SSB: variants seen among roughly 807,000 people sequenced by gnomAD.
The protein encoded by SSB is small RNA binding exonuclease protection factor La.
In SSB, 17 loss-of-function variants were observed where a neutral mutation model predicts 52.9. That is an observed-to-expected ratio of 0.32 (90% CI 0.22 to 0.48). The LOEUF (loss-of-function observed/expected upper bound fraction) is 0.48. SSB is among the 20% of genes least tolerant of loss of function. The probability of loss-of-function intolerance (pLI) is 0.99; values close to 1 mark genes in which losing one functional copy is unlikely to be tolerated. For synonymous variants in SSB, 111 were observed against 152.1 expected (o/e 0.73, Z 1.99); for missense variants, 314 against 463.6 (o/e 0.68, Z 2.96).
chr2:169,811,447 A>G, intron 11 of SSB, 124 bp downstream of exon 11: 1 of 1,325,090 alleles, frequency 7.5e-7, no homozygotes, highest in East Asian at 2.5e-5. Flanking sequence ...TTCTTGGATT[A>G]TTAACGATTT....
chr2:169,804,405 T>A (rs1488725396), intron 2 of SSB, among the ~76,000 whole-genome samples: 1 of 151,636 alleles, frequency 6.6e-6, no homozygotes, highest in Admixed American at 6.6e-5. Flanking sequence ...CTATTTCTTA[T>A]TTATTTTATT....
intron 6 of SSB, 76 bp downstream of exon 6, chr2:169,807,147 GTAT>G: frequency 8.2e-7 from 1 of 1,224,262 alleles, no homozygotes; most frequent in Non-Finnish European, 1.2e-6. Flanking sequence ...CATGGAAGTA[GTAT>G]CCCCTGAAAG....
intron 2 of SSB, among the ~76,000 whole-genome samples, chr2:169,803,242 G>C (rs888197859): frequency 3.3e-5 from 5 of 151,498 alleles, no homozygotes; most frequent in Middle Eastern, 3.2e-3. Context: ...TTTTTTTTTA[G>C]TTTACAGTAC....
chr2:169,806,647 A>G, intron 4 of SSB, 138 bp from the exon 5 acceptor site: 1 of 653,198 alleles, frequency 1.5e-6, no homozygotes, highest in Non-Finnish European at 2.6e-6. Flanking sequence ...CAAGGCTGTT[A>G]AGTGATTAAC....
rs191181070 is a variant in SSB at position 169,808,055 on chromosome 2, G to C, written c.555-427G>C. 4.9e-3 allele frequency among the ~76,000 whole-genome samples: 750 copies of C among 151,850 alleles called. 5 individuals are homozygous for C. The highest frequency in any genetic ancestry group is 0.017 in the African/African-American group (695 of 41,422). ...GGATTTTAGAATTTTCTCCTTTTGT[G>C]GAATTAACACTATAGAAAACTGCAA... On this transcript the variant is annotated intron_variant, in intron 6 of 11. Coordinates refer to ENST00000260956, the MANE Select transcript of SSB (RefSeq NM_003142.5).
intron 6 of SSB, among the ~76,000 whole-genome samples, chr2:169,807,644 CT>C (rs1460033176): frequency 6.7e-6 from 1 of 148,502 alleles, no homozygotes; most frequent in Non-Finnish European, 1.5e-5. Flanking sequence ...GCATCTAAAA[CT>C]TTTGATCAGG....
At position 169,805,798 on chromosome 2, in the gene SSB, G is replaced by A; in HGVS notation, c.304G>A (p.Asp102Asn). 6.2e-7 allele frequency: 1 copy of A among 1,613,918 alleles called. No individual in the cohort carries two copies. Among genetic ancestry groups the A allele is most frequent in the Non-Finnish European group, 8.5e-7 (1 of 1,179,950 alleles). Reference protein sequence around the residue: ...SPSKPLPEVTDEYKNDVKNRS... With the variant: ...SPSKPLPEVTNEYKNDVKNRS... ...AAGCAAACCCCTACCTGAAGTGACT[G>A]ATGAGTATAAAAATGATGTAAAAAA... The change falls in exon 4 of 12, where the codon GAT becomes AAT. Residue 102 changes from aspartate to asparagine, a missense_variant. Asp to Asn is a conservative substitution (Grantham distance 23). Transcript: ENST00000260956.
At chr2:169,800,534 C>CAAAAAAAAAAAAAAAAAAAAAAAAAAAAA (rs59743225) in intron 1 of SSB, among the ~76,000 whole-genome samples, 1 of 78,280 alleles carries the variant, frequency 1.3e-5, no homozygotes, top group African/African-American at 5.6e-5. Context: ...GACTCCGTCT[C>CAAAAAAAAAAAAAAAAAAAAAAAAAAAAA]AAAAAAAAAA....
chr2:169,799,945 G>A (rs886960378), intron 1 of SSB, among the ~76,000 whole-genome samples: 1 of 152,190 alleles, frequency 6.6e-6, no homozygotes, highest in Non-Finnish European at 1.5e-5. Flanking sequence ...CAAGTACTTT[G>A]TAAGTAGAAG....
rs1573956863 is a variant in SSB, at chr2:169,800,920, A to C, written c.-9-32A>C. The C allele has an allele frequency of 2.0e-6, 3 of 1,499,526 alleles. No individual in the cohort carries two copies. In the South Asian group the frequency reaches 3.7e-5, roughly 19 times the overall value. 92.9% of individuals were successfully genotyped at this position (1,499,526 alleles called of 1,614,324 possible). ...TCTATTCTTGAGTTTTATATAAAAA[A>C]TAACTTTATGCTAATTTGGGAAATT... On this transcript the variant is annotated intron_variant, in intron 1 of 11. Coordinates refer to ENST00000260956, the MANE Select transcript of SSB (RefSeq NM_003142.5).
chr2:169,806,846 A>G lies in SSB; in HGVS notation c.407A>G (p.Gln136Arg), dbSNP rs1689839260. ...DIKEWLEDKGQVLNIQMRRTL... is the reference protein window; with the variant it reads ...DIKEWLEDKGRVLNIQMRRTL... ...AAAGAATGGTTAGAAGATAAAGGTC[A>G]AGTACTAAATATTCAGATGAGAAGA... Residue 136 changes from glutamine to arginine, a missense_variant, in exon 5 of 12, where the codon CAA (glutamine) becomes CGA (arginine). By Grantham distance (43) the Gln-to-Arg change is conservative (BLOSUM62 1). Coordinates refer to ENST00000260956, the MANE Select transcript of SSB (RefSeq NM_003142.5). 17 of 1,613,520 alleles carry G rather than the reference A, an allele frequency of 1.1e-5. No individual in the cohort carries two copies. The East Asian group carries it at 3.8e-4, about 36-fold the overall frequency.
intron 6 of SSB, among the ~76,000 whole-genome samples, chr2:169,807,979 A>G: frequency 6.6e-6 from 1 of 152,154 alleles, no homozygotes; most frequent in South Asian, 2.1e-4. Flanking sequence ...TCAGTGTTAA[A>G]TCCTCAAAAA....
chr2:169,806,384 G>A (rs958791134), intron 4 of SSB, among the ~76,000 whole-genome samples: 5 of 152,086 alleles, frequency 3.3e-5, no homozygotes, highest in African/African-American at 1.2e-4. Context: ...AGCACCTATT[G>A]CCTATTAGCT....
At position 169,808,861 on chromosome 2, in the gene SSB, G is replaced by C. The variant is rs940739370; in HGVS notation, c.628G>C (p.Glu210Gln). The change falls in exon 8 of 12, where the codon GAG (glutamate) becomes CAG (glutamine). Residue 210 changes from glutamate (E) to glutamine (Q), a missense_variant and splice_region_variant. Physicochemically the swap from Glu to Gln is conservative, Grantham distance 29. Coordinates refer to ENST00000260956, the MANE Select transcript of SSB (RefSeq NM_003142.5). ...TTATAATTATATTTTTATTTGTAGG[G>C]AGCAAGAAGCAAAACAAAAGTTAGA... ...KVEAKLRAKQ[E>Q]QEAKQKLEED... The C allele has an allele frequency of 6.3e-7, 1 of 1,589,712 alleles. No individual in the cohort carries two copies. Among genetic ancestry groups the C allele is most frequent in the Admixed American group, 1.7e-5 (1 of 59,918 alleles).
At chr2:169,808,388 A>G in intron 6 of SSB, 94 bp from the exon 7 acceptor site, 1 of 960,940 alleles carries the variant, frequency 1.0e-6, no homozygotes, top group Non-Finnish European at 1.6e-6. Context: ...CGTGTGCAAC[A>G]TTCATTGCTG....
chr2:169,801,867 C>T (rs1487877161), intron 2 of SSB, among the ~76,000 whole-genome samples: 2 of 152,048 alleles, frequency 1.3e-5, no homozygotes, highest in African/African-American at 2.4e-5. Context: ...TTTCAAAACC[C>T]TCTTAGCATT....
chr2:169,805,289 T>C lies in SSB; in HGVS notation c.67-185T>C, dbSNP rs115002426. ...CTATTGACACATCTGTTACACTATT[T>C]TAGTAATTGACATTTTAGTTTTATC... On this transcript the variant is annotated intron_variant, in intron 2 of 11. Transcript: ENST00000260956. Among the ~76,000 whole-genome samples, 1,018 of 152,332 alleles carry C rather than the reference T, an allele frequency of 6.7e-3. 9 individuals are homozygous for C. The highest frequency in any genetic ancestry group is 0.023 in the African/African-American group (959 of 41,566).
Position 169,811,985 on chromosome 2 carries a change from CA to C in SSB, c.*230del. 1 of 1,079,216 alleles carries C rather than the reference CA, an allele frequency of 9.3e-7. No individual in the cohort carries two copies. The highest frequency in any genetic ancestry group is 1.3e-6 in the Non-Finnish European group (1 of 745,812). 66.9% of individuals were successfully genotyped at this position (1,079,216 alleles called of 1,614,324 possible). A position where few individuals can be genotyped will look rare whatever the true frequency, so the allele number is the denominator to read the frequency against. ...TCAAATATCAAAAGGAAGATTCTTC[CA>C]TTAAATTGCCTTTGTAATATGAGAA... On this transcript the variant is annotated 3_prime_UTR_variant, in exon 12 of 12. Coordinates refer to ENST00000260956, the MANE Select transcript of SSB (RefSeq NM_003142.5).
chr2:169,804,149 T>G (rs904543746), intron 2 of SSB, among the ~76,000 whole-genome samples: 2 of 152,178 alleles, frequency 1.3e-5, no homozygotes, highest in Non-Finnish European at 2.9e-5. Context: ...TTATGTTACT[T>G]CTGGCATTCC....
Sources: allele counts gnomAD v4.1 joint callset (sites outside exome capture counted in the v4.1 genomes callset), GRCh38; gene constraint gnomAD v4.1.1; transcripts MANE v1.5; gene names NCBI Gene and HGNC (gene_info 2026-07-23, HGNC 2026-07-21).